The following ANKH variants were observed in gnomAD, a reference collection of about 807,000 sequenced individuals.
ANKH encodes mineralization regulator ANKH.
A neutral mutation model predicts 49.0 loss-of-function variants in ANKH; 15 were observed. The observed-to-expected ratio is 0.31, with a 90% confidence interval of 0.20 to 0.47. The LOEUF (loss-of-function observed/expected upper bound fraction) is 0.47, where lower values mean the gene tolerates loss of function less well. Among genes scored for constraint, ANKH ranks in the 20% least tolerant of loss-of-function variants. ANKH has a pLI of 1.00. For synonymous variants in ANKH, 273 were observed against 260.0 expected (o/e 1.05, Z -0.48); for missense variants, 429 against 652.0 (o/e 0.66, Z 3.72).
At chr5:14,797,529 G>A in intron 1 of ANKH, 1 of 1,611,174 alleles carries the variant, frequency 6.2e-7, no homozygotes, top group Non-Finnish European at 8.5e-7. Context: ...AGCTGATCCT[G>A]TGGCAAGAAT....
chr5:14,763,620 G>C (rs1414916871), intron 2 of ANKH, among the ~76,000 whole-genome samples: 2 of 152,234 alleles, frequency 1.3e-5, no homozygotes, highest in Non-Finnish European at 2.9e-5. Context: ...AAATTTTAAC[G>C]CAAGTACAAG....
chr5:14,824,478 A>G (rs1741283941), intron 1 of ANKH, among the ~76,000 whole-genome samples: 2 of 152,222 alleles, frequency 1.3e-5, no homozygotes, highest in Admixed American at 1.3e-4. Flanking sequence ...TCTAAAACAC[A>G]ACAGCTCAAT....
rs543924223 is a variant in ANKH, at chr5:14,754,078, A to G, written c.516+1783T>C. Among the ~76,000 whole-genome samples, 4 of 152,346 alleles carry G rather than the reference A, an allele frequency of 2.6e-5. No individual in the cohort carries two copies. In the East Asian group the frequency reaches 7.7e-4, roughly 29 times the overall value. ...CCAAATTGTGGCAGGAACTCAAGCA[A>G]CAAGGTTTAAAATAACTACTCCACC... On this transcript the variant is annotated intron_variant, in intron 4 of 11. Coordinates refer to ENST00000284268, the MANE Select transcript of ANKH (RefSeq NM_054027.6).
intron 1 of ANKH, chr5:14,826,115 C>T (rs1580098309): frequency 6.5e-6 from 1 of 153,800 alleles, no homozygotes; most frequent in Non-Finnish European, 1.5e-5. Flanking sequence ...AACCTAATAA[C>T]CATAGCATGT....
intron 8 of ANKH, among the ~76,000 whole-genome samples, chr5:14,718,626 C>A (rs1737562013): frequency 6.6e-6 from 1 of 152,108 alleles, no homozygotes; most frequent in Non-Finnish European, 1.5e-5. Flanking sequence ...GCCTGGCCAA[C>A]ATGGAGAAAC....
intron 8 of ANKH, among the ~76,000 whole-genome samples, chr5:14,723,109 C>T (rs759032371): frequency 2.0e-5 from 3 of 151,984 alleles, no homozygotes; most frequent in Non-Finnish European, 4.4e-5. Context: ...GAGGAGGCTA[C>T]GGAAGCATGA....
At chr5:14,716,343 A>G (rs1411327029) in intron 9 of ANKH, among the ~76,000 whole-genome samples, 1 of 152,126 alleles carries the variant, frequency 6.6e-6, no homozygotes, top group Non-Finnish European at 1.5e-5. Context: ...AAATACAAAA[A>G]TTAGTTGGGT....
intron 1 of ANKH, among the ~76,000 whole-genome samples, chr5:14,791,175 T>C (rs1214375817): frequency 1.3e-5 from 2 of 152,154 alleles, no homozygotes; most frequent in Non-Finnish European, 2.9e-5. Context: ...GGCTGATATC[T>C]GAGTTTCCCC....
At chr5:14,811,462 A>C (rs1002379215) in intron 1 of ANKH, among the ~76,000 whole-genome samples, 1 of 152,190 alleles carries the variant, frequency 6.6e-6, no homozygotes, top group African/African-American at 2.4e-5. Context: ...TAAAAATCCC[A>C]GTATACTGTA....
At chr5:14,810,677 C>T (rs1415097256) in intron 1 of ANKH, among the ~76,000 whole-genome samples, 2 of 152,082 alleles carry the variant, frequency 1.3e-5, no homozygotes, top group Non-Finnish European at 2.9e-5. Context: ...ATTAAGAAAC[C>T]AGAGAGACAA....
intron 1 of ANKH, among the ~76,000 whole-genome samples, chr5:14,808,706 A>G (rs1258895147): frequency 2.0e-5 from 3 of 149,784 alleles, no homozygotes; most frequent in African/African-American, 7.4e-5. Flanking sequence ...GAGGATGTGG[A>G]GAAATAGGAA....
At chr5:14,849,023 C>A (rs902697278) in intron 1 of ANKH, among the ~76,000 whole-genome samples, 1 of 152,166 alleles carries the variant, frequency 6.6e-6, no homozygotes, top group Non-Finnish European at 1.5e-5. Flanking sequence ...GAGTTACAAG[C>A]CCCGTGTTTA....
In ANKH at chr5:14,824,921, T is replaced by C. The variant is rs1201042902; in HGVS notation, c.96+46431A>G. Among the ~76,000 whole-genome samples the C allele has an allele frequency of 5.3e-5, 8 of 152,326 alleles. 1 individual carries two copies. In the South Asian group the frequency reaches 1.7e-3, roughly 32 times the overall value. On this transcript the variant is annotated intron_variant, in intron 1 of 11. Coordinates refer to ENST00000284268, the MANE Select transcript of ANKH (RefSeq NM_054027.6). ...AATGTGATAAAGAATATTCTAACTT[T>C]GCACAGTGGAAAATGCTTTGAGATC...
intron 1 of ANKH, chr5:14,797,681 C>T: frequency 6.3e-7 from 1 of 1,598,716 alleles, no homozygotes; most frequent in East Asian, 2.2e-5. Context: ...CAAACAGAGA[C>T]TCACAGAGTA....
At chr5:14,830,354 C>T (rs866956586) in intron 1 of ANKH, among the ~76,000 whole-genome samples, 3 of 152,220 alleles carry the variant, frequency 2.0e-5, no homozygotes, top group South Asian at 2.1e-4. Flanking sequence ...CTGGAATGAC[C>T]GAAGGTGGCG....
intron 8 of ANKH, among the ~76,000 whole-genome samples, chr5:14,733,107 G>A (rs1738055856): frequency 6.6e-6 from 1 of 152,232 alleles, no homozygotes; most frequent in African/African-American, 2.4e-5. Context: ...AGCCACATCA[G>A]TTAAGAGCCA....
intron 1 of ANKH, among the ~76,000 whole-genome samples, chr5:14,803,609 C>T (rs1379306109): frequency 6.6e-6 from 1 of 152,006 alleles, no homozygotes; most frequent in Non-Finnish European, 1.5e-5. Flanking sequence ...TTATTTTCCT[C>T]TTTTGCCTTA....
At position 14,871,485 on chromosome 5, in the gene ANKH, C is replaced by G. The variant is rs1367047082; in HGVS notation, c.-38G>C. On this transcript the variant is annotated 5_prime_UTR_variant, in exon 1 of 12. Transcript: ENST00000284268. The stretch of plus-strand genomic sequence containing the variant: ...GGGCTGACCCCACACACATCTGCTG[C>G]CGCGAGGGGACTCTGCGGGGAGGCG... 6.4e-7 allele frequency: 1 copy of G among 1,558,150 alleles called. No individual in the cohort carries two copies. Among genetic ancestry groups the G allele is most frequent in the Non-Finnish European group, 8.8e-7 (1 of 1,135,344 alleles).
At chr5:14,721,929 C>CAAA (rs35821509) in intron 8 of ANKH, among the ~76,000 whole-genome samples, 744 of 58,654 alleles carry the variant, frequency 0.013, 61 homozygotes, top group African/African-American at 0.036. Context: ...GACTCCGTCT[C>CAAA]AAAAAAAAAA....
Sources: gnomAD v4.1 joint callset for allele counts (sites outside exome capture counted in the v4.1 genomes callset) on GRCh38, gnomAD v4.1.1 for gene constraint, MANE v1.5 for transcripts, NCBI Gene and HGNC (gene_info 2026-07-23, HGNC 2026-07-21) for gene names.